Variants in HRH1 observed in about 807,000 individuals in gnomAD.
HRH1 encodes histamine receptor H1, also known as histamine H1 receptor.
In HRH1, 6 loss-of-function variants were observed where a neutral mutation model predicts 10.3. The ratio of observed to expected loss-of-function variants is 0.58; its 90% CI spans 0.32 to 1.15. HRH1 has a LOEUF of 1.15. Among genes scored for constraint, HRH1 ranks in the 50% most tolerant of loss-of-function variants. HRH1 has a pLI of 0.05. For synonymous variants in HRH1, 242 were observed against 236.7 expected, an observed-to-expected ratio of 1.02 and a Z score of -0.21; for missense variants, 514 against 615.3, an observed-to-expected ratio of 0.84 and a Z score of 1.74.
At chr3:11,208,057 C>T (rs1938200841) in intron 1 of HRH1, among the ~76,000 whole-genome samples, 1 of 152,204 alleles carries the variant, frequency 6.6e-6, no homozygotes, top group Non-Finnish European at 1.5e-5. Flanking sequence ...AACTTTCACA[C>T]TCCCCTTTGC....
At chr3:11,250,127 C>G (rs1939605771) in intron 1 of HRH1, among the ~76,000 whole-genome samples, 1 of 147,278 alleles carries the variant, frequency 6.8e-6, no homozygotes, top group Non-Finnish European at 1.5e-5. Context: ...ACTGCAGGCT[C>G]CGACTCCCGC....
Position 11,170,469 on chromosome 3 carries a change from G to A in HRH1, c.-36+15915G>A, listed in dbSNP as rs115379182. The stretch of plus-strand genomic sequence containing the variant: ...GGGCAGTGGGAAGATAAATGGGGAC[G>A]AGGCATGCTCCATGATTTTGAACCG... On this transcript the variant is annotated intron_variant, in intron 1 of 1. Coordinates refer to ENST00000431010, the MANE Select transcript of HRH1 (RefSeq NM_001098212.2). Among the ~76,000 whole-genome samples, 590 of 152,342 alleles carry A rather than the reference G, an allele frequency of 3.9e-3. 8 individuals carry two copies. The highest frequency in any genetic ancestry group is 0.014 in the African/African-American group (569 of 41,576).
intron 1 of HRH1, among the ~76,000 whole-genome samples, chr3:11,204,675 G>A (rs770176233): frequency 5.9e-5 from 9 of 152,152 alleles, no homozygotes; most frequent in Non-Finnish European, 1.2e-4. Flanking sequence ...TAACACACAC[G>A]CGATCACCTT....
At chr3:11,178,174 TG>T (rs2125015601) in intron 1 of HRH1, among the ~76,000 whole-genome samples, 1 of 152,330 alleles carries the variant, frequency 6.6e-6, no homozygotes, top group East Asian at 1.9e-4. Flanking sequence ...GTTCCTCTCT[TG>T]TCCCCTCTGG....
At chr3:11,157,584 T>C (rs1337024747) in intron 1 of HRH1, among the ~76,000 whole-genome samples, 2 of 152,220 alleles carry the variant, frequency 1.3e-5, no homozygotes, top group African/African-American at 4.8e-5. Flanking sequence ...CGCATACTCT[T>C]CGGGAGCAAT....
intron 1 of HRH1, among the ~76,000 whole-genome samples, chr3:11,187,165 G>A (rs1364516100): frequency 1.3e-5 from 2 of 152,124 alleles, no homozygotes; most frequent in Admixed American, 1.3e-4. Flanking sequence ...AGGATCGTAA[G>A]TGTGAGCCCT....
At position 11,154,606 on chromosome 3, in the gene HRH1, G is replaced by GGCGAGGCTGC. The variant is rs1936736477; in HGVS notation, c.-36+56_-36+65dup. The GGCGAGGCTGC allele has an allele frequency of 6.6e-6, 1 of 151,722 alleles. No individual in the cohort carries two copies. The highest frequency in any genetic ancestry group is 2.4e-5 in the African/African-American group (1 of 41,372). The allele number at this position is 151,722 out of a possible 1,614,324, so 9.4% of individuals were successfully genotyped here. On this transcript the variant is annotated intron_variant, in intron 1 of 1. Coordinates refer to ENST00000431010, the MANE Select transcript of HRH1 (RefSeq NM_001098212.2). This position sits in a 1 kb window ranked among gnomAD's most constrained non-coding sequence, Gnocchi z 4.4. The stretch of plus-strand genomic sequence containing the variant: ...GGCGGGAGCGGGGCCGCCGCGGCTG[G>GGCGAGGCTGC]GCGAGGCTGCGCGCTGGCCAGGCTG...
intron 1 of HRH1, among the ~76,000 whole-genome samples, chr3:11,138,180 A>ATT (rs746775307): frequency 0.17 from 22,524 of 135,400 alleles, 2,294 homozygotes; most frequent in African/African-American, 0.27. Context: ...ACGTTTGGCT[A>ATT]TTTTTTTTTT....
chr3:11,209,157 T>G (rs1938237690), intron 1 of HRH1, among the ~76,000 whole-genome samples: 1 of 152,238 alleles, frequency 6.6e-6, no homozygotes, highest in South Asian at 2.1e-4. Flanking sequence ...AGTAGTATGA[T>G]TATAGCTCAC....
intron 1 of HRH1, among the ~76,000 whole-genome samples, chr3:11,235,546 G>A (rs1419822465): frequency 6.6e-6 from 1 of 152,200 alleles, no homozygotes; most frequent in Admixed American, 6.5e-5. Flanking sequence ...TCCCCAGCTG[G>A]GAGGGATGAG....
rs536061017 is a variant in HRH1, at chr3:11,219,945, G to A, written c.-35-39058G>A. ...TTTATTTTAATTGTGGTAACTTAAT[G>A]TGTTGTTTTTTTTTTTTTTTTTTTT... On this transcript the variant is annotated intron_variant, in intron 1 of 1. Coordinates refer to ENST00000431010, the MANE Select transcript of HRH1 (RefSeq NM_001098212.2). Among the ~76,000 whole-genome samples, 328 of 124,604 alleles carry A rather than the reference G, an allele frequency of 2.6e-3. 5 individuals carry two copies. Among genetic ancestry groups the A allele is most frequent in the Non-Finnish European group, 2.8e-3 (170 of 59,862 alleles). The allele number at this position is 124,604 out of a possible 152,430, so 81.7% of individuals were successfully genotyped here.
rs1415321703 is a variant in HRH1, at chr3:11,261,961, G to T, written c.*1460G>T. The T allele has an allele frequency of 1.8e-5, 3 of 167,096 alleles. No individual in the cohort carries two copies. The highest frequency in any genetic ancestry group is 4.4e-5 in the Non-Finnish European group (3 of 68,130). 10.4% of individuals were successfully genotyped at this position (167,096 alleles called of 1,614,324 possible). On this transcript the variant is annotated 3_prime_UTR_variant, in exon 2 of 2. Coordinates refer to ENST00000431010, the MANE Select transcript of HRH1 (RefSeq NM_001098212.2). The stretch of plus-strand genomic sequence containing the variant: ...TTTGAGTAGACGAACAGCTGACATG[G>T]AGTTCCCGTGCACCTACGGAAGGGG...
At chr3:11,172,366 T>A (rs572514865) in intron 1 of HRH1, among the ~76,000 whole-genome samples, 2 of 152,378 alleles carry the variant, frequency 1.3e-5, no homozygotes, top group African/African-American at 4.8e-5. Flanking sequence ...GGGCCCCTGC[T>A]TTCTCCTACT....
intron 1 of HRH1, among the ~76,000 whole-genome samples, chr3:11,215,698 C>T (rs1938468418): frequency 6.6e-6 from 1 of 152,256 alleles, no homozygotes; most frequent in South Asian, 2.1e-4. Context: ...GCCTCGGCCT[C>T]TCAGAGTGCT....
intron 1 of HRH1, among the ~76,000 whole-genome samples, chr3:11,148,810 C>CTTTTTTT (rs755029776): frequency 4.7e-5 from 4 of 84,416 alleles, no homozygotes; most frequent in Non-Finnish European, 6.8e-5. Context: ...AAACCACAGT[C>CTTTTTTT]TTTTTTTTTT....
chr3:11,196,915 C>T (rs569851978), intron 1 of HRH1, among the ~76,000 whole-genome samples: 1 of 144,244 alleles, frequency 6.9e-6, no homozygotes, highest in Non-Finnish European at 1.5e-5. Flanking sequence ...CGAGACCATC[C>T]TGGCTAACAT....
intron 1 of HRH1, among the ~76,000 whole-genome samples, chr3:11,237,812 A>G (rs1939228010): frequency 6.6e-6 from 1 of 151,210 alleles, no homozygotes; most frequent in South Asian, 2.1e-4. Flanking sequence ...AGTAGCTGGG[A>G]TTACAAGCAT....
At chr3:11,243,726 A>C (rs532048057) in intron 1 of HRH1, among the ~76,000 whole-genome samples, 3 of 152,210 alleles carry the variant, frequency 2.0e-5, no homozygotes, top group Admixed American at 1.3e-4. Context: ...CTGCTGGAGA[A>C]ATTCCACCCA....
At chr3:11,205,015 G>A (rs541674512) in intron 1 of HRH1, among the ~76,000 whole-genome samples, 48 of 152,312 alleles carry the variant, frequency 3.2e-4, no homozygotes, top group Middle Eastern at 3.4e-3. Flanking sequence ...CGTGGGGTCT[G>A]GTAATTGTAT....
Sources: allele counts gnomAD v4.1 joint callset (sites outside exome capture counted in the v4.1 genomes callset), GRCh38; gene constraint gnomAD v4.1.1; non-coding constraint Gnocchi (gnomAD v3.1); transcripts MANE v1.5; gene names NCBI Gene and HGNC (gene_info 2026-07-23, HGNC 2026-07-21).